FBN3: variants seen among roughly 807,000 people sequenced by gnomAD.
The protein encoded by FBN3 is fibrillin 3.
In FBN3, 234 loss-of-function variants were observed where a neutral mutation model predicts 330.1. The observed-to-expected ratio is 0.71, with a 90% confidence interval of 0.64 to 0.79. The LOEUF (loss-of-function observed/expected upper bound fraction) is 0.79, where lower values mean the gene tolerates loss of function less well. Ranked by LOEUF, FBN3 falls within the 30% of genes least tolerant of loss-of-function variation. FBN3 has a pLI of 0.00. For missense variants in FBN3, 3,606 were observed against 3,886.9 expected (o/e 0.93, Z 1.92); for synonymous variants, 1,458 against 1,517.3 (o/e 0.96, Z 0.91).
rs148535778 is a variant in FBN3 at position 8,090,185 on chromosome 19, T to C, written c.6098A>G (p.Asn2033Ser). The C allele has an allele frequency of 8.7e-6, 14 of 1,613,766 alleles. No homozygotes were observed. Among genetic ancestry groups the C allele is most frequent in the South Asian group, 5.5e-5 (5 of 91,052 alleles). ...AGKCSVPKAFNTTKTRCCCSK... is the reference protein window; with the variant it reads ...AGKCSVPKAFSTTKTRCCCSK... ...GCAGCAGCAGCGGGTCTTGGTGGTG[T>C]TGAAAGCTTTGGGCACCGAGCACTT... The change falls in exon 49 of 64, where the codon AAC becomes AGC. Residue 2033 changes from asparagine to serine, a missense_variant. Transcript: ENST00000600128.
In FBN3 at chr19:8,129,159, G is replaced by A; in HGVS notation, c.2171-6C>T. The A allele has an allele frequency of 1.2e-6, 2 of 1,612,742 alleles. No homozygotes were observed. Among genetic ancestry groups the A allele is most frequent in the Non-Finnish European group, 1.7e-6 (2 of 1,179,622 alleles). ...GAGGGCACACTCATCCACGTCTGTG[G>A]GGTGGGGGTGGGAGAGAGGGGTGAG... is the stretch of plus-strand genomic sequence containing the variant. On this transcript the variant is annotated splice_polypyrimidine_tract_variant and splice_region_variant and intron_variant, in intron 17 of 63. Coordinates refer to ENST00000600128, the MANE Select transcript of FBN3 (RefSeq NM_032447.5). The surrounding 1 kb of genome is among the most constrained non-coding windows in gnomAD (Gnocchi z 4.5).
rs772894212 is a variant in FBN3 at position 8,073,056 on chromosome 19, C to T, written c.7937+7G>A. 1.9e-6 allele frequency: 3 copies of T among 1,598,682 alleles called. No homozygotes were observed. In the South Asian group the frequency reaches 3.4e-5, roughly 18 times the overall value. The stretch of plus-strand genomic sequence containing the variant: ...TGGAGTCTGCTTGCCCCACTCCAGC[C>T]TCTCACCCTTGCCCAGCCCGGAAGT... On this transcript the variant is annotated splice_region_variant and intron_variant, in intron 62 of 63. Transcript: ENST00000600128.
At chr19:8,118,793 A>C (rs1011093492) in intron 26 of FBN3, 104 bp downstream of exon 26, 2 of 1,408,046 alleles carry the variant, frequency 1.4e-6, no homozygotes, top group Non-Finnish European at 2.0e-6. Context: ...AGACAGATAC[A>C]CATGCCCACC....
intron 41 of FBN3, among the ~76,000 whole-genome samples, chr19:8,099,729 G>A (rs570311812): frequency 7.2e-5 from 11 of 152,052 alleles, no homozygotes; most frequent in Admixed American, 5.2e-4. Flanking sequence ...GGAGTATTCT[G>A]GCCAGGCTCA....
At chr19:8,124,539 ATTTT>A (rs55867844) in intron 22 of FBN3, among the ~76,000 whole-genome samples, 8,687 of 132,324 alleles carry the variant, frequency 0.066, 833 homozygotes, top group African/African-American at 0.22. Flanking sequence ...TGCCTGGCCA[ATTTT>A]TTTTTTTTTT....
intron 26 of FBN3, among the ~76,000 whole-genome samples, chr19:8,118,090 C>T (rs1651116938): frequency 6.6e-6 from 1 of 152,042 alleles, no homozygotes; most frequent in African/African-American, 2.4e-5. Context: ...CACAGACACA[C>T]ACATAAACAC....
At chr19:8,146,046 C>T in intron 4 of FBN3, 81 bp downstream of exon 4, 3 of 1,508,600 alleles carry the variant, frequency 2.0e-6, no homozygotes, top group Non-Finnish European at 1.8e-6. Context: ...TGTCCTTCAA[C>T]AAAAGCAGCC....
At chr19:8,098,726 C>T (rs1315523609) in intron 41 of FBN3, among the ~76,000 whole-genome samples, 1 of 151,792 alleles carries the variant, frequency 6.6e-6, no homozygotes, top group East Asian at 1.9e-4. Context: ...AACCACTAAA[C>T]AGGGCACTTT....
intron 10 of FBN3, 139 bp from the exon 11 acceptor site, chr19:8,136,670 A>C: frequency 1.5e-5 from 17 of 1,137,252 alleles, no homozygotes; most frequent in Non-Finnish European, 1.8e-5. Context: ...CCTCTTTCTC[A>C]TGGAGAGTCC....
chr19:8,138,642 G>A, intron 8 of FBN3, 78 bp from the exon 9 acceptor site: 1 of 1,440,904 alleles, frequency 6.9e-7, no homozygotes, highest in South Asian at 1.3e-5. Context: ...AGCTGTAGCA[G>A]CACTGCCTGT....
intron 38 of FBN3, among the ~76,000 whole-genome samples, chr19:8,105,878 G>A (rs1171861032): frequency 6.6e-6 from 1 of 152,176 alleles, no homozygotes; most frequent in Non-Finnish European, 1.5e-5. Flanking sequence ...AGGGAGTGTC[G>A]TGGCATTTTA....
In FBN3 at chr19:8,066,133, T is replaced by C; in HGVS notation, c.8216A>G (p.Tyr2739Cys). Residue 2739 changes from tyrosine to cysteine, a missense_variant, in exon 64 of 64, where the codon TAC (tyrosine) becomes TGC (cysteine). Tyr to Cys is a radical substitution (Grantham distance 194). Coordinates refer to ENST00000600128, the MANE Select transcript of FBN3 (RefSeq NM_032447.5). ...ALEGLEGRIRYVIVRGNEQGF... is the reference protein window; with the variant it reads ...ALEGLEGRIRCVIVRGNEQGF... Reference sequence around the variant, plus strand: ...TTGCTCGTTTCCGCGGACGATGACGTAGCGGATCCGGCCCTCTAGACCCTC... The same window carrying C: ...TTGCTCGTTTCCGCGGACGATGACGCAGCGGATCCGGCCCTCTAGACCCTC... The C allele has an allele frequency of 6.2e-7, 1 of 1,613,468 alleles. No homozygotes were observed. Among genetic ancestry groups the C allele is most frequent in the South Asian group, 1.1e-5 (1 of 91,082 alleles).
At chr19:8,078,347 G>A (rs921200519) in intron 59 of FBN3, among the ~76,000 whole-genome samples, 5 of 152,124 alleles carry the variant, frequency 3.3e-5, no homozygotes, top group Non-Finnish European at 7.4e-5. Context: ...CAATCGTGGC[G>A]ACAGAGACCA....
intron 25 of FBN3, among the ~76,000 whole-genome samples, chr19:8,120,036 G>A (rs2082806345): frequency 6.6e-6 from 1 of 151,340 alleles, no homozygotes; most frequent in Admixed American, 6.6e-5. Context: ...GACCAAGCTG[G>A]TCTTAAACTC....
At position 8,131,628 on chromosome 19, in the gene FBN3, T is replaced by G; in HGVS notation, c.1916A>C (p.Lys639Thr). The change falls in exon 15 of 64, where the codon AAG becomes ACG. Residue 639 changes from lysine to threonine, a missense_variant. Transcript: ENST00000600128. This position sits in a 1 kb window ranked among gnomAD's most constrained non-coding sequence, Gnocchi z 4.5. ...CGGATTGGCACAGCAGCACTCGGAC[T>G]TGGTGACAGTGCCAGGGAAGGGGCG... is the stretch of plus-strand genomic sequence containing the variant. ...CARPFPGTVT[K>T]SECCCANPDH... 13 of 1,614,190 alleles carry G rather than the reference T, an allele frequency of 8.1e-6. No individual in the cohort carries two copies. The highest frequency in any genetic ancestry group is 1.1e-5 in the Non-Finnish European group (13 of 1,180,022).
chr19:8,087,054 C>A (rs758039937), intron 54 of FBN3, 23 bp downstream of exon 54: 46 of 1,599,878 alleles, frequency 2.9e-5, no homozygotes, highest in Non-Finnish European at 3.8e-5. Flanking sequence ...TTCCTGCACC[C>A]ATGAAGCTCC....
Position 8,121,403 on chromosome 19 carries a change from C to A in FBN3, c.3083-17G>T. On this transcript the variant is annotated splice_polypyrimidine_tract_variant and intron_variant, in intron 24 of 63. Transcript: ENST00000600128. This position sits in a 1 kb window ranked among gnomAD's most constrained non-coding sequence, Gnocchi z 4.5. ...CGTCGATATCTGTGGGGAGAGGGGG[C>A]AGAGGCCGGAGGCGCCATGTGGGCC... 1 of 1,529,262 alleles carries A rather than the reference C, an allele frequency of 6.5e-7. No homozygotes were observed. Among genetic ancestry groups the A allele is most frequent in the Non-Finnish European group, 8.8e-7 (1 of 1,134,064 alleles). The allele number at this position is 1,529,262 out of a possible 1,614,324, so 94.7% of individuals were successfully genotyped here. A position where few individuals can be genotyped will look rare whatever the true frequency, so the allele number is the denominator to read the frequency against.
rs972426389 is a variant in FBN3 at position 8,085,541 on chromosome 19, C to G, written c.6909G>C (p.Glu2303Asp). 6.3e-7 allele frequency: 1 copy of G among 1,584,706 alleles called. No homozygotes were observed. The highest frequency in any genetic ancestry group is 1.8e-5 in the Admixed American group (1 of 55,342). ...HDIRQGPCFA[E>D]VLQTMCRSLS... ...GAGACCGGCACATGGTCTGCAGCACCTCGGCAAAGCAGGGCCCCTGCCGGA... is the reference window on the plus strand; with the variant it reads ...GAGACCGGCACATGGTCTGCAGCACGTCGGCAAAGCAGGGCCCCTGCCGGA... The change falls in exon 56 of 64, where the codon GAG (glutamate) becomes GAC (aspartate). Residue 2303 changes from glutamate (E) to aspartate (D), a missense_variant. Glu to Asp is a conservative substitution (Grantham distance 45, BLOSUM62 2). Transcript: ENST00000600128.
At chr19:8,083,429 G>A in intron 56 of FBN3, 57 bp from the exon 57 acceptor site, 1 of 1,600,530 alleles carries the variant, frequency 6.2e-7, no homozygotes, top group Admixed American at 1.7e-5. Context: ...CTCCACCGAG[G>A]AATGTCTCCT....
Sources: allele counts gnomAD v4.1 joint callset (sites outside exome capture counted in the v4.1 genomes callset), GRCh38; gene constraint gnomAD v4.1.1; non-coding constraint Gnocchi (gnomAD v3.1); transcripts MANE v1.5; gene names NCBI Gene and HGNC (gene_info 2026-07-23, HGNC 2026-07-21).